DPP6: variants seen among roughly 807,000 people sequenced by gnomAD.
The protein encoded by DPP6 is dipeptidyl peptidase like 6.
DPP6 carries 69 observed loss-of-function variants against 122.6 expected under a neutral mutation model. The observed-to-expected ratio is 0.56, with a 90% CI of 0.46 to 0.69. DPP6 has a LOEUF of 0.69. Among genes scored for constraint, DPP6 ranks in the 30% least tolerant of loss-of-function variants. The probability of loss-of-function intolerance (pLI) is 0.00; values close to 1 mark genes in which losing one functional copy is unlikely to be tolerated. For synonymous variants in DPP6, 418 were observed against 433.1 expected, an observed-to-expected ratio of 0.97 and a Z score of 0.43; for missense variants, 928 against 1,116.9, an observed-to-expected ratio of 0.83 and a Z score of 2.41.
At chr7:154,021,660 TAAG>T (rs1200875454) in intron 1 of DPP6, among the ~76,000 whole-genome samples, 1 of 152,158 alleles carries the variant, frequency 6.6e-6, no homozygotes, top group Non-Finnish European at 1.5e-5. Flanking sequence ...TCCAGTGTAT[TAAG>T]AAGACATCTG....
the DPP6 span, among the ~76,000 whole-genome samples, chr7:153,838,307 T>C: frequency 5.9e-5 from 9 of 152,226 alleles, no homozygotes; most frequent in Admixed American, 4.6e-4. Context: ...GGGTGGGGAA[T>C]TCTGCCAAAG....
chr7:153,940,588 G>C (rs557899208), intron 1 of DPP6, among the ~76,000 whole-genome samples: 1 of 152,194 alleles, frequency 6.6e-6, no homozygotes, highest in Admixed American at 6.5e-5. Context: ...TGGGACCACG[G>C]TCTACCCACC....
At chr7:154,002,667 TG>T (rs1797740108) in intron 1 of DPP6, among the ~76,000 whole-genome samples, 1 of 152,058 alleles carries the variant, frequency 6.6e-6, no homozygotes, top group African/African-American at 2.4e-5. Context: ...GGGACCATGT[TG>T]GGGAGGATCC....
chr7:154,405,200 A>T (rs1425498705), intron 1 of DPP6, among the ~76,000 whole-genome samples: 1 of 152,224 alleles, frequency 6.6e-6, no homozygotes. Flanking sequence ...TATTAGCTCA[A>T]GCAACAATCA....
intron 1 of DPP6, among the ~76,000 whole-genome samples, chr7:153,952,513 C>T (rs1802268283): frequency 6.6e-6 from 1 of 152,060 alleles, no homozygotes; most frequent in Non-Finnish European, 1.5e-5. Flanking sequence ...GAGGGGATTC[C>T]AAGAAGAAGG....
At chr7:154,492,889 A>C (rs1260149814) in intron 3 of DPP6, among the ~76,000 whole-genome samples, 1 of 152,178 alleles carries the variant, frequency 6.6e-6, no homozygotes, top group Non-Finnish European at 1.5e-5. Flanking sequence ...ATCTCACTGA[A>C]GGGTTGAGGC....
intron 12 of DPP6, among the ~76,000 whole-genome samples, chr7:154,796,759 A>G (rs2150437758): frequency 6.6e-6 from 1 of 152,342 alleles, no homozygotes; most frequent in East Asian, 1.9e-4. Context: ...ATGGCTCTCC[A>G]AGAACATTCC....
At position 154,139,239 on chromosome 7, in the gene DPP6, A is replaced by G. The variant is rs1585464930; in HGVS notation, c.243+86176A>G. Among the ~76,000 whole-genome samples, 4 of 143,640 alleles carry G rather than the reference A, an allele frequency of 2.8e-5. No homozygotes were observed. The South Asian group carries it at 9.6e-4, about 34-fold the overall frequency. The allele number at this position is 143,640 out of a possible 152,430, so 94.2% of individuals were successfully genotyped here. Reference sequence around the variant, plus strand: ...GAAGCTGGCAGTGTGGCTCAGTTCAACTCTGGAAGCCTCAGAACCAGGGAA... The same window carrying G: ...GAAGCTGGCAGTGTGGCTCAGTTCAGCTCTGGAAGCCTCAGAACCAGGGAA... On this transcript the variant is annotated intron_variant, in intron 1 of 25. Coordinates refer to ENST00000377770, the MANE Select transcript of DPP6 (RefSeq NM_130797.4).
At chr7:153,938,788 G>T (rs181224081) in intron 1 of DPP6, among the ~76,000 whole-genome samples, 87 of 152,240 alleles carry the variant, frequency 5.7e-4, no homozygotes, top group Non-Finnish European at 9.0e-4. Context: ...TCCATAAAAG[G>T]GTTTCTAAAG....
chr7:153,974,697 C>T (rs1201098771), intron 1 of DPP6, among the ~76,000 whole-genome samples: 1 of 152,204 alleles, frequency 6.6e-6, no homozygotes, highest in South Asian at 2.1e-4. Context: ...CTTGAACATT[C>T]TGTCCTTTGT....
At chr7:154,509,127 A>G (rs147606347) in intron 3 of DPP6, among the ~76,000 whole-genome samples, 1 of 152,324 alleles carries the variant, frequency 6.6e-6, no homozygotes, top group African/African-American at 2.4e-5. Context: ...AAAAATAGAT[A>G]AACTGAAGTT....
At chr7:154,443,460 G>A (rs2151283494) in intron 1 of DPP6, among the ~76,000 whole-genome samples, 1 of 152,082 alleles carries the variant, frequency 6.6e-6, no homozygotes, top group African/African-American at 2.4e-5. Context: ...GGCATAGTAA[G>A]CCCTAGATAA....
At chr7:154,140,270 A>G (rs1795779843) in intron 1 of DPP6, among the ~76,000 whole-genome samples, 1 of 152,198 alleles carries the variant, frequency 6.6e-6, no homozygotes, top group African/African-American at 2.4e-5. Context: ...TCTGTTTGCA[A>G]ACACCAATCC....
the DPP6 span, among the ~76,000 whole-genome samples, chr7:153,858,895 T>G: frequency 6.6e-6 from 1 of 152,124 alleles, no homozygotes; most frequent in Non-Finnish European, 1.5e-5. Context: ...CTTGTGACAG[T>G]TTATTGTGGT....
At chr7:154,834,807 T>C (rs924830316) in intron 16 of DPP6, among the ~76,000 whole-genome samples, 3 of 152,180 alleles carry the variant, frequency 2.0e-5, no homozygotes, top group Non-Finnish European at 2.9e-5. Context: ...GAAGAGCCCC[T>C]TTTCTCTTGA....
the DPP6 span, among the ~76,000 whole-genome samples, chr7:153,827,144 G>A: frequency 6.6e-6 from 1 of 152,172 alleles, no homozygotes; most frequent in African/African-American, 2.4e-5. Context: ...TTAAGATAAG[G>A]TGACAGAATA....
rs192791828 is a variant in DPP6, at chr7:154,881,372, A to C, written c.2133+430A>C. Among the ~76,000 whole-genome samples the C allele has an allele frequency of 2.0e-4, 31 of 152,326 alleles. No individual in the cohort carries two copies. The East Asian group carries it at 4.6e-3, about 23-fold the overall frequency. ...GGGGAGGGTCGCGCAGTGAACTCTCAAACCAGAGCCGCTCCCATCTGGTGG... is the reference window on the plus strand; with the variant it reads ...GGGGAGGGTCGCGCAGTGAACTCTCCAACCAGAGCCGCTCCCATCTGGTGG... On this transcript the variant is annotated intron_variant, in intron 21 of 25. Transcript: ENST00000377770.
rs767232668 is a variant in DPP6, at chr7:154,486,245, C to T, written c.457+11208C>T. ...GCCTCCCTGATTCAAGCGATTCTTCCGCTTCAGCCTCCTGAGTAGCTGGGA... is the reference window on the plus strand; with the variant it reads ...GCCTCCCTGATTCAAGCGATTCTTCTGCTTCAGCCTCCTGAGTAGCTGGGA... On this transcript the variant is annotated intron_variant, in intron 3 of 25. Transcript: ENST00000377770. This position sits in a 1 kb window ranked among gnomAD's most constrained non-coding sequence, Gnocchi z 4.5. 5.3e-5 allele frequency among the ~76,000 whole-genome samples: 8 copies of T among 151,986 alleles called. No individual in the cohort carries two copies. The highest frequency in any genetic ancestry group is 9.7e-5 in the African/African-American group (4 of 41,362).
rs186248968 is a variant in DPP6 at position 153,905,374 on chromosome 7, C to G, written c.51+17640C>G. On this transcript the variant is annotated intron_variant, in intron 1 of 25. Coordinates refer to the DPP6 transcript ENST00000404039. ...GGGGAGTGGGGAGAAATGTTTGCTT[C>G]TGAGGCCTTCATTTTGGGTTATCAT... is the stretch of plus-strand genomic sequence containing the variant. Among the ~76,000 whole-genome samples the G allele has an allele frequency of 3.3e-5, 5 of 152,240 alleles. No individual in the cohort carries two copies. The East Asian group carries it at 9.7e-4, about 30-fold the overall frequency.
Sources: gnomAD v4.1 joint callset for allele counts (sites outside exome capture counted in the v4.1 genomes callset) on GRCh38, gnomAD v4.1.1 for gene constraint, Gnocchi (gnomAD v3.1) non-coding constraint, MANE v1.5 for transcripts, NCBI Gene and HGNC (gene_info 2026-07-23, HGNC 2026-07-21) for gene names.